Variants in NOS1AP observed in about 807,000 individuals in gnomAD.
NOS1AP encodes the protein carboxyl-terminal PDZ ligand of neuronal nitric oxide synthase protein.
NOS1AP carries 21 observed loss-of-function variants against 56.2 expected under a neutral mutation model. The observed-to-expected ratio is 0.37, with a 90% CI of 0.26 to 0.54. The LOEUF is 0.54. NOS1AP is among the 20% of genes least tolerant of loss of function. NOS1AP has a pLI of 0.84. For synonymous variants in NOS1AP, 270 were observed against 274.6 expected (o/e 0.98, Z 0.17); for missense variants, 522 against 657.8 (o/e 0.79, Z 2.26).
At position 162,100,710 on chromosome 1, in the gene NOS1AP, T is replaced by C. The variant is rs565633744; in HGVS notation, c.105+30428T>C. On this transcript the variant is annotated intron_variant, in intron 1 of 9. Coordinates refer to ENST00000361897, the MANE Select transcript of NOS1AP (RefSeq NM_014697.3). ...GTTTTAGACATGAAGTCCTTGCCCATGCCTATGGCTGCATGTATGTTTTCT... is the reference window on the plus strand; with the variant it reads ...GTTTTAGACATGAAGTCCTTGCCCACGCCTATGGCTGCATGTATGTTTTCT... Among the ~76,000 whole-genome samples the C allele has an allele frequency of 7.2e-5, 11 of 152,232 alleles. No individual in the cohort carries two copies. In the South Asian group the frequency reaches 2.3e-3, roughly 32 times the overall value.
intron 2 of NOS1AP, among the ~76,000 whole-genome samples, chr1:162,239,604 G>A (rs1653418163): frequency 6.6e-6 from 1 of 152,152 alleles, no homozygotes; most frequent in Non-Finnish European, 1.5e-5. Flanking sequence ...TGTATGCCAA[G>A]TGCTGGGCTG....
intron 2 of NOS1AP, among the ~76,000 whole-genome samples, chr1:162,177,318 G>A (rs1016752728): frequency 3.9e-5 from 6 of 152,170 alleles, no homozygotes; most frequent in African/African-American, 1.4e-4. Context: ...CTTTGGTGTG[G>A]CAGTAAAGGC....
At chr1:162,213,089 G>T (rs1172194712) in intron 2 of NOS1AP, among the ~76,000 whole-genome samples, 4 of 152,144 alleles carry the variant, frequency 2.6e-5, no homozygotes, top group Non-Finnish European at 5.9e-5. Context: ...ATCAGGTCAG[G>T]GCTGGCCGCC....
Position 162,090,025 on chromosome 1 carries a change from G to A in NOS1AP, c.105+19743G>A, listed in dbSNP as rs368684858. Among the ~76,000 whole-genome samples the A allele has an allele frequency of 6.6e-5, 10 of 152,132 alleles. No homozygotes were observed. In the East Asian group the frequency reaches 1.3e-3, roughly 21 times the overall value. On this transcript the variant is annotated intron_variant, in intron 1 of 9. Coordinates refer to ENST00000361897, the MANE Select transcript of NOS1AP (RefSeq NM_014697.3). ...CTTTTTAACCCTCATTTAGTTTTTA[G>A]TTCTTCAATAATTACATATTTAATA... is the stretch of plus-strand genomic sequence containing the variant.
rs543247309 is a variant in NOS1AP at position 162,264,048 on chromosome 1, C to T, written c.178-23296C>T. Among the ~76,000 whole-genome samples, 3 of 152,346 alleles carry T rather than the reference C, an allele frequency of 2.0e-5. No homozygotes were observed. In the South Asian group the frequency reaches 6.2e-4, roughly 32 times the overall value. ...CAGTAGCCTCCGAATGGTTTCCCTACATCTACATCAGACTTGCCTCCACGC... is the reference window on the plus strand; with the variant it reads ...CAGTAGCCTCCGAATGGTTTCCCTATATCTACATCAGACTTGCCTCCACGC... On this transcript the variant is annotated intron_variant, in intron 2 of 9. Coordinates refer to ENST00000361897, the MANE Select transcript of NOS1AP (RefSeq NM_014697.3).
intron 6 of NOS1AP, among the ~76,000 whole-genome samples, chr1:162,349,961 T>A (rs16860624): frequency 0.093 from 14,224 of 152,304 alleles, 972 homozygotes; most frequent in East Asian, 0.18. Flanking sequence ...CACTTCCTTT[T>A]TACAGCCCCA....
intron 1 of NOS1AP, among the ~76,000 whole-genome samples, chr1:162,103,225 C>T (rs1179525937): frequency 1.3e-5 from 2 of 152,112 alleles, no homozygotes; most frequent in Non-Finnish European, 2.9e-5. Flanking sequence ...TGTTCAATTT[C>T]CATGTAGTTG....
intron 2 of NOS1AP, among the ~76,000 whole-genome samples, chr1:162,202,625 T>C (rs546739301): frequency 6.6e-6 from 1 of 152,204 alleles, no homozygotes; most frequent in South Asian, 2.1e-4. Context: ...ATGAATAAAT[T>C]TTTGCGTGTG....
At chr1:162,088,075 G>A (rs970732263) in intron 1 of NOS1AP, among the ~76,000 whole-genome samples, 2 of 152,034 alleles carry the variant, frequency 1.3e-5, no homozygotes, top group African/African-American at 4.8e-5. Flanking sequence ...GTCAAATTCT[G>A]CGGAAAGGCA....
intron 2 of NOS1AP, among the ~76,000 whole-genome samples, chr1:162,266,707 T>C (rs1654435736): frequency 6.6e-6 from 1 of 152,258 alleles, no homozygotes; most frequent in East Asian, 1.9e-4. Context: ...AGAATAGTTC[T>C]GAATTGCCTT....
rs1658039310 is a variant in NOS1AP, at chr1:162,365,240, T to A, written c.940-164T>A. Reference sequence around the variant, plus strand: ...AACCCACTCCTTTTGGCTCCTCCTCTGGAATGATAAGCCCAGATGCCCATG... The same window carrying A: ...AACCCACTCCTTTTGGCTCCTCCTCAGGAATGATAAGCCCAGATGCCCATG... On this transcript the variant is annotated intron_variant, in intron 8 of 9. Transcript: ENST00000361897. 2.0e-6 allele frequency: 3 copies of A among 1,477,592 alleles called. No individual in the cohort carries two copies. In the African/African-American group the frequency reaches 4.2e-5, roughly 21 times the overall value. 91.5% of individuals were successfully genotyped at this position (1,477,592 alleles called of 1,614,324 possible). A position where few individuals can be genotyped will look rare whatever the true frequency, so the allele number is the denominator to read the frequency against.
At chr1:162,293,332 G>C (rs1655336092) in intron 3 of NOS1AP, among the ~76,000 whole-genome samples, 1 of 152,158 alleles carries the variant, frequency 6.6e-6, no homozygotes, top group African/African-American at 2.4e-5. Flanking sequence ...TTCTAGTAGG[G>C]ATAGGAAATG....
At chr1:162,325,195 C>T (rs1656544878) in intron 4 of NOS1AP, among the ~76,000 whole-genome samples, 1 of 152,164 alleles carries the variant, frequency 6.6e-6, no homozygotes, top group African/African-American at 2.4e-5. Flanking sequence ...CCTGTATATA[C>T]AGTGGGGGGA....
intron 2 of NOS1AP, among the ~76,000 whole-genome samples, chr1:162,194,674 T>G (rs1377236436): frequency 6.6e-6 from 1 of 152,186 alleles, no homozygotes; most frequent in African/African-American, 2.4e-5. Context: ...AGGTTGCCAG[T>G]GTTCTCTTTA....
At chr1:162,354,291 A>G (rs376272446) in intron 6 of NOS1AP, among the ~76,000 whole-genome samples, 14 of 152,370 alleles carry the variant, frequency 9.2e-5, no homozygotes, top group Admixed American at 5.2e-4. Flanking sequence ...GACGGCAGTA[A>G]TTAACCTAAT....
intron 2 of NOS1AP, among the ~76,000 whole-genome samples, chr1:162,203,714 T>G (rs1300051249): frequency 2.0e-5 from 3 of 152,158 alleles, no homozygotes; most frequent in Non-Finnish European, 4.4e-5. Flanking sequence ...TGATAATGCA[T>G]GTGATGTAGA....
intron 1 of NOS1AP, among the ~76,000 whole-genome samples, chr1:162,150,790 A>G (rs1244559608): frequency 6.6e-6 from 1 of 152,162 alleles, no homozygotes; most frequent in Non-Finnish European, 1.5e-5. Context: ...TCTTTCACCC[A>G]TATTTAAATC....
chr1:162,154,356 G>A, intron 1 of NOS1AP, 49 bp from the exon 2 acceptor site: 1 of 1,564,206 alleles, frequency 6.4e-7, no homozygotes, highest in Admixed American at 1.7e-5. Context: ...CTGGGATTAG[G>A]GACACTTGCT....
chr1:162,321,731 A>ATATATATATATAT (rs1553205807), intron 4 of NOS1AP, among the ~76,000 whole-genome samples: 2 of 128,492 alleles, frequency 1.6e-5, no homozygotes, highest in African/African-American at 5.8e-5. Context: ...AAAAAAAAAA[A>ATATATATATATAT]ATATATATAT....
Sources: gnomAD v4.1 joint callset for allele counts (sites outside exome capture counted in the v4.1 genomes callset) on GRCh38, gnomAD v4.1.1 for gene constraint, MANE v1.5 for transcripts, NCBI Gene and HGNC (gene_info 2026-07-23, HGNC 2026-07-21) for gene names.